Variants in LRRTM4 observed in about 807,000 individuals in gnomAD.
LRRTM4 encodes leucine-rich repeat transmembrane neuronal protein 4.
A neutral mutation model predicts 47.6 loss-of-function variants in LRRTM4; 25 were observed. The observed-to-expected ratio is 0.53, with a 90% CI of 0.38 to 0.73. The LOEUF is 0.73. LRRTM4 is among the 30% of genes least tolerant of loss of function. The pLI is 0.00. For missense variants in LRRTM4, 638 were observed against 713.4 expected, an observed-to-expected ratio of 0.89 and a Z score of 1.20; for synonymous variants, 311 against 269.5, an observed-to-expected ratio of 1.15 and a Z score of -1.51.
At chr2:77,023,959 A>G (rs1242920882) in intron 3 of LRRTM4, among the ~76,000 whole-genome samples, 1 of 152,070 alleles carries the variant, frequency 6.6e-6, no homozygotes, top group East Asian at 1.9e-4. Context: ...CTGGGAAGGA[A>G]AAAAAAAGAT....
chr2:77,277,961 T>A (rs1450875561), intron 3 of LRRTM4, among the ~76,000 whole-genome samples: 1 of 151,980 alleles, frequency 6.6e-6, no homozygotes, highest in Non-Finnish European at 1.5e-5. Flanking sequence ...ACTAGAGTAT[T>A]TCACTTGAGT....
intron 3 of LRRTM4, among the ~76,000 whole-genome samples, chr2:77,221,164 T>A (rs1244868977): frequency 6.6e-6 from 1 of 152,124 alleles, no homozygotes; most frequent in Non-Finnish European, 1.5e-5. Flanking sequence ...CTGAGATATT[T>A]TGTCACCACC....
intron 3 of LRRTM4, among the ~76,000 whole-genome samples, chr2:76,935,730 A>G: frequency 6.6e-6 from 1 of 152,180 alleles, no homozygotes; most frequent in East Asian, 1.9e-4. Context: ...TTATCAGCTT[A>G]AGGAGATTTT....
intron 3 of LRRTM4, among the ~76,000 whole-genome samples, chr2:76,929,015 T>A (rs1384570578): frequency 2.0e-5 from 3 of 152,126 alleles, no homozygotes; most frequent in Non-Finnish European, 4.4e-5. Flanking sequence ...GTTACAAAGG[T>A]GAGCAGATGA....
At chr2:77,273,672 C>T (rs1364822428) in intron 3 of LRRTM4, among the ~76,000 whole-genome samples, 1 of 152,102 alleles carries the variant, frequency 6.6e-6, no homozygotes, top group Middle Eastern at 3.2e-3. Flanking sequence ...GATGCTTCCC[C>T]TTTGCAAACA....
intron 3 of LRRTM4, among the ~76,000 whole-genome samples, chr2:76,913,967 T>C (rs960120859): frequency 5.9e-5 from 9 of 152,042 alleles, no homozygotes; most frequent in Admixed American, 3.3e-4. Context: ...TGTTTAGAAA[T>C]GCATATCTCT....
At chr2:77,457,002 GTGTATATATATATATATATA>G (rs1311337785) in intron 3 of LRRTM4, among the ~76,000 whole-genome samples, 1 of 12,592 alleles carries the variant, frequency 7.9e-5, no homozygotes, top group African/African-American at 3.8e-4. Flanking sequence ...ATGTGTGTGT[GTGTATATATATATATATATA>G]TATATATATA....
chr2:77,206,570 C>T (rs758591576), intron 3 of LRRTM4, among the ~76,000 whole-genome samples: 8 of 151,812 alleles, frequency 5.3e-5, no homozygotes, highest in Non-Finnish European at 1.0e-4. Context: ...CTATAACCTC[C>T]GCCTCCCGGG....
chr2:77,356,414 G>C (rs1671970656), intron 3 of LRRTM4, among the ~76,000 whole-genome samples: 1 of 152,034 alleles, frequency 6.6e-6, no homozygotes, highest in South Asian at 2.1e-4. Flanking sequence ...AAATATGGAA[G>C]AAACTAAGAG....
intron 3 of LRRTM4, among the ~76,000 whole-genome samples, chr2:77,055,899 A>G (rs1679588231): frequency 1.3e-5 from 2 of 151,540 alleles, no homozygotes; most frequent in South Asian, 4.2e-4. Flanking sequence ...AGGGACATGG[A>G]TGAAATTGGA....
chr2:77,490,968 T>A (rs904505578), intron 3 of LRRTM4, among the ~76,000 whole-genome samples: 1 of 151,906 alleles, frequency 6.6e-6, no homozygotes, highest in African/African-American at 2.4e-5. Context: ...TTTTTTTTCA[T>A]ATAATAAGGT....
chr2:77,028,380 G>A (rs1558537038), intron 3 of LRRTM4, among the ~76,000 whole-genome samples: 1 of 152,114 alleles, frequency 6.6e-6, no homozygotes, highest in Non-Finnish European at 1.5e-5. Context: ...GAAAAATGTT[G>A]AGTTGAGATG....
intron 3 of LRRTM4, among the ~76,000 whole-genome samples, chr2:77,428,764 T>C (rs761732904): frequency 7.2e-5 from 11 of 152,202 alleles, no homozygotes; most frequent in Non-Finnish European, 1.5e-4. Flanking sequence ...TTGCATGTTC[T>C]TAAGTAAAGT....
At chr2:76,911,404 C>A (rs954535538) in intron 3 of LRRTM4, among the ~76,000 whole-genome samples, 4 of 152,188 alleles carry the variant, frequency 2.6e-5, no homozygotes, top group Non-Finnish European at 4.4e-5. Context: ...TGTGACAGAA[C>A]CTAATGCTTC....
chr2:77,351,377 G>A (rs1389655547), intron 3 of LRRTM4, among the ~76,000 whole-genome samples: 2 of 151,758 alleles, frequency 1.3e-5, no homozygotes, highest in Admixed American at 1.3e-4. Flanking sequence ...TATATTTGAA[G>A]ATGTAAGTGT....
At chr2:76,795,412 AGATTTTTTACTGTC>A (rs57980333) in intron 3 of LRRTM4, among the ~76,000 whole-genome samples, 12,555 of 152,222 alleles carry the variant, frequency 0.082, 556 homozygotes, top group Middle Eastern at 0.14. Flanking sequence ...GAACATGTAA[AGATTTTTTACTGTC>A]ATTATTTCCT....
chr2:77,512,240 A>G (rs903023066), intron 3 of LRRTM4, among the ~76,000 whole-genome samples: 1 of 152,124 alleles, frequency 6.6e-6, no homozygotes, highest in Non-Finnish European at 1.5e-5. Flanking sequence ...CTTTGTACAT[A>G]TCTAGCAGCT....
intron 3 of LRRTM4, among the ~76,000 whole-genome samples, chr2:77,084,578 C>T (rs1680645768): frequency 6.6e-6 from 1 of 152,082 alleles, no homozygotes; most frequent in Non-Finnish European, 1.5e-5. Flanking sequence ...TGTCTACATC[C>T]CCTGCTGTAC....
At chr2:76,904,570 A>G (rs972224116) in intron 3 of LRRTM4, among the ~76,000 whole-genome samples, 3 of 152,222 alleles carry the variant, frequency 2.0e-5, no homozygotes, top group Admixed American at 1.3e-4. Flanking sequence ...TCTAAATCTT[A>G]GTGGGAGTAT....
Sources: gnomAD v4.1 joint callset for allele counts (sites outside exome capture counted in the v4.1 genomes callset) on GRCh38, gnomAD v4.1.1 for gene constraint, MANE v1.5 for transcripts, NCBI Gene and HGNC (gene_info 2026-07-23, HGNC 2026-07-21) for gene names.